Variants in IFT25 observed in about 807,000 individuals in gnomAD.
IFT25 encodes the protein intraflagellar transport protein 25 homolog.
chr1:53,935,540 G>A, the IFT25 span, among the ~76,000 whole-genome samples: 1 of 152,042 alleles, frequency 6.6e-6, no homozygotes, highest in South Asian at 2.1e-4. Flanking sequence ...GGAAGCCACT[G>A]AATTGTATAT....
At chr1:53,911,646 G>A in the IFT25 span, among the ~76,000 whole-genome samples, 1 of 152,138 alleles carries the variant, frequency 6.6e-6, no homozygotes, top group Admixed American at 6.5e-5. Context: ...TTTTACAGAT[G>A]AGGAAATCAA....
chr1:53,944,048 C>A, the IFT25 span, among the ~76,000 whole-genome samples: 1 of 152,208 alleles, frequency 6.6e-6, no homozygotes, highest in Non-Finnish European at 1.5e-5. Context: ...CTGAGAGAAG[C>A]AAACACATGC....
At chr1:53,920,725 G>C in the IFT25 span, among the ~76,000 whole-genome samples, 1 of 152,196 alleles carries the variant, frequency 6.6e-6, no homozygotes. Flanking sequence ...CCAATGCTTC[G>C]GGAGGCTGAG....
At chr1:53,932,976 A>C in the IFT25 span, among the ~76,000 whole-genome samples, 1 of 152,114 alleles carries the variant, frequency 6.6e-6, no homozygotes, top group East Asian at 1.9e-4. Context: ...TTTTCTGCCA[A>C]ATTGTTCTAT....
chr1:53,922,221 C>A, the IFT25 span, among the ~76,000 whole-genome samples: 2 of 152,104 alleles, frequency 1.3e-5, no homozygotes, highest in African/African-American at 4.8e-5. Flanking sequence ...ATGGAGAAAC[C>A]CTGTCTCTAC....
At chr1:53,932,159 C>A in the IFT25 span, among the ~76,000 whole-genome samples, 1 of 151,964 alleles carries the variant, frequency 6.6e-6, no homozygotes, top group Non-Finnish European at 1.5e-5. Context: ...AAGACCAGCC[C>A]GACCAACATG....
At chr1:53,912,936 G>A in the IFT25 span, among the ~76,000 whole-genome samples, 2 of 152,156 alleles carry the variant, frequency 1.3e-5, no homozygotes, top group Non-Finnish European at 2.9e-5. Context: ...TGCTGTCCCA[G>A]GAACCACACT....
chr1:53,941,153 C>G, the IFT25 span, among the ~76,000 whole-genome samples: 2 of 152,108 alleles, frequency 1.3e-5, no homozygotes, highest in Non-Finnish European at 2.9e-5. Flanking sequence ...AGCCACCACG[C>G]CCAGCTAATT....
chr1:53,944,982 T>C, the IFT25 span, among the ~76,000 whole-genome samples: 11,696 of 152,208 alleles, frequency 0.077, 834 homozygotes, highest in African/African-American at 0.19. Flanking sequence ...ACGCTCTTTC[T>C]TCAAGCATCA....
chr1:53,919,875 G>A, the IFT25 span, among the ~76,000 whole-genome samples: 2 of 151,324 alleles, frequency 1.3e-5, no homozygotes, highest in South Asian at 2.1e-4. Context: ...CTGAAGCCAC[G>A]ATCTTCTGGG....
chr1:53,935,012 A>G, the IFT25 span, among the ~76,000 whole-genome samples: 97 of 152,228 alleles, frequency 6.4e-4, no homozygotes, highest in African/African-American at 1.8e-3. Flanking sequence ...AAAACAAAAA[A>G]CGAAAGAAAG....
the IFT25 span, among the ~76,000 whole-genome samples, chr1:53,938,551 T>C: frequency 3.9e-5 from 6 of 152,198 alleles, no homozygotes; most frequent in African/African-American, 1.2e-4. Flanking sequence ...CTTCAAGATA[T>C]GCAAAGAATC....
the IFT25 span, chr1:53,921,498 T>G: frequency 3.3e-6 from 2 of 607,434 alleles, no homozygotes; most frequent in South Asian, 2.0e-5. Context: ...TACTGCTGAT[T>G]GATAAAAACA....
At chr1:53,914,215 T>C in the IFT25 span, among the ~76,000 whole-genome samples, 2 of 152,192 alleles carry the variant, frequency 1.3e-5, no homozygotes, top group Non-Finnish European at 2.9e-5. Flanking sequence ...CCATGACACG[T>C]TTAATAAAGT....
At chr1:53,919,717 C>T in the IFT25 span, among the ~76,000 whole-genome samples, 2 of 152,198 alleles carry the variant, frequency 1.3e-5, no homozygotes, top group East Asian at 1.9e-4. Flanking sequence ...AAGTTCCCCA[C>T]CAATCTTTCA....
At chr1:53,935,496 T>C in the IFT25 span, among the ~76,000 whole-genome samples, 3 of 151,354 alleles carry the variant, frequency 2.0e-5, no homozygotes, top group African/African-American at 7.4e-5. Flanking sequence ...TAAAATTGAT[T>C]GTGGAGATGG....
chr1:53,913,729 T>C, the IFT25 span, among the ~76,000 whole-genome samples: 1 of 152,252 alleles, frequency 6.6e-6, no homozygotes, highest in African/African-American at 2.4e-5. Flanking sequence ...ACAGGGCCTA[T>C]ATAGAGGTAA....
At chr1:53,929,593 G>GA in the IFT25 span, 1 of 152,846 alleles carries the variant, frequency 6.5e-6, no homozygotes, top group Non-Finnish European at 1.5e-5. Context: ...AGTAATAGAA[G>GA]AATCTCAACT....
At chr1:53,923,832 C>T in the IFT25 span, 1 of 887,436 alleles carries the variant, frequency 1.1e-6, no homozygotes, top group South Asian at 1.3e-5. Flanking sequence ...TTAACTATGA[C>T]TATGGAGATA....
Sources: gnomAD v4.1 joint callset for allele counts (sites outside exome capture counted in the v4.1 genomes callset) on GRCh38, gnomAD v4.1.1 for gene constraint, MANE v1.5 for transcripts, NCBI Gene and HGNC (gene_info 2026-07-23, HGNC 2026-07-21) for gene names.